TEC: variants seen among roughly 807,000 people sequenced by gnomAD.
TEC encodes the protein tyrosine-protein kinase Tec.
A neutral mutation model predicts 93.0 loss-of-function variants in TEC; 72 were observed. The ratio of observed to expected loss-of-function variants is 0.77; its 90% CI spans 0.64 to 0.94. TEC has a LOEUF of 0.94. TEC is among the 40% of genes least tolerant of loss of function. The pLI is 0.00. For missense variants in TEC, 630 were observed against 757.9 expected (o/e 0.83, Z 1.98); for synonymous variants, 249 against 247.7 (o/e 1.01, Z -0.05).
intron 8 of TEC, among the ~76,000 whole-genome samples, chr4:48,161,852 G>C (rs1248682398): frequency 6.6e-6 from 1 of 152,048 alleles, no homozygotes; most frequent in Non-Finnish European, 1.5e-5. Flanking sequence ...GGAAAGACTA[G>C]ACTGGTTTAG....
intron 2 of TEC, among the ~76,000 whole-genome samples, chr4:48,187,727 G>C (rs1310005744): frequency 1.3e-5 from 2 of 152,140 alleles, no homozygotes; most frequent in African/African-American, 4.8e-5. Flanking sequence ...TATGTGTTTT[G>C]AATTAAGTCT....
intron 2 of TEC, among the ~76,000 whole-genome samples, chr4:48,192,060 A>C (rs1416131703): frequency 1.3e-5 from 2 of 152,232 alleles, no homozygotes; most frequent in African/African-American, 2.4e-5. Flanking sequence ...CTAACACAAA[A>C]ACTTTCATAG....
At chr4:48,177,718 C>T (rs1415483530) in intron 2 of TEC, among the ~76,000 whole-genome samples, 1 of 152,186 alleles carries the variant, frequency 6.6e-6, no homozygotes, top group Non-Finnish European at 1.5e-5. Context: ...GCATTGTAAT[C>T]CCTACAATCC....
At chr4:48,250,773 C>A (rs1402318327) in intron 1 of TEC, among the ~76,000 whole-genome samples, 4 of 152,196 alleles carry the variant, frequency 2.6e-5, no homozygotes, top group African/African-American at 9.7e-5. Context: ...AGCTGCCTAC[C>A]TAACCCACAG....
chr4:48,266,371 C>T (rs1450089158), intron 1 of TEC, among the ~76,000 whole-genome samples: 2 of 152,074 alleles, frequency 1.3e-5, no homozygotes, highest in East Asian at 3.9e-4. Flanking sequence ...ACCAAAGGCA[C>T]CCAGTCTGGA....
At chr4:48,192,593 G>A (rs987460304) in intron 2 of TEC, among the ~76,000 whole-genome samples, 6 of 151,854 alleles carry the variant, frequency 4.0e-5, no homozygotes, top group African/African-American at 1.5e-4. Context: ...AAAATTCTTT[G>A]GTAATAATTT....
rs907985465 is a variant in TEC at position 48,171,358 on chromosome 4, T to C, written c.325+10A>G. On this transcript the variant is annotated intron_variant, in intron 4 of 17. Coordinates refer to ENST00000381501, the MANE Select transcript of TEC (RefSeq NM_003215.3). ...AATTATATACAGAGTAATATTTCAT[T>C]GAGTTTTACCTTCTTTTAACTTCTT... 22 of 1,606,602 alleles carry C rather than the reference T, an allele frequency of 1.4e-5. No homozygotes were observed. The highest frequency in any genetic ancestry group is 1.7e-5 in the Admixed American group (1 of 58,664).
intron 1 of TEC, among the ~76,000 whole-genome samples, chr4:48,261,450 C>T (rs903414337): frequency 4.6e-5 from 7 of 152,086 alleles, no homozygotes; most frequent in African/African-American, 1.7e-4. Context: ...TTAAATCACT[C>T]TTGTAAGAAA....
At chr4:48,190,200 A>C (rs1254032590) in intron 2 of TEC, among the ~76,000 whole-genome samples, 3 of 152,182 alleles carry the variant, frequency 2.0e-5, no homozygotes, top group Non-Finnish European at 4.4e-5. Flanking sequence ...TATTTATCAG[A>C]TTATAACTAT....
chr4:48,170,610 G>C (rs1721060671), intron 4 of TEC, among the ~76,000 whole-genome samples: 1 of 152,156 alleles, frequency 6.6e-6, no homozygotes, highest in Non-Finnish European at 1.5e-5. Context: ...ACCAATGATG[G>C]ATAAATGCAA....
intron 2 of TEC, among the ~76,000 whole-genome samples, chr4:48,202,288 C>T (rs1295520564): frequency 1.3e-5 from 2 of 152,072 alleles, no homozygotes; most frequent in African/African-American, 4.8e-5. Flanking sequence ...TTTTTAGGCC[C>T]AGTGCAGTGG....
At chr4:48,138,613 C>T in intron 17 of TEC, 52 bp downstream of exon 17, 1 of 1,547,278 alleles carries the variant, frequency 6.5e-7, no homozygotes, top group Non-Finnish European at 8.7e-7. Context: ...TATCCATCTA[C>T]CAAGCCCAAT....
intron 1 of TEC, among the ~76,000 whole-genome samples, chr4:48,258,252 CT>C (rs1185323353): frequency 6.6e-6 from 1 of 151,580 alleles, no homozygotes; most frequent in African/African-American, 2.4e-5. Flanking sequence ...AGCAATTCTC[CT>C]GCCTCAGCCT....
chr4:48,200,396 A>G (rs1222236886), intron 2 of TEC, among the ~76,000 whole-genome samples: 2 of 152,100 alleles, frequency 1.3e-5, no homozygotes. Context: ...TGGGATAATA[A>G]TTTCTTGTAG....
rs1719477083 is a variant in TEC, at chr4:48,137,512, G to A, written c.1813-13C>T. On this transcript the variant is annotated splice_polypyrimidine_tract_variant and intron_variant, in intron 17 of 17. Coordinates refer to ENST00000381501, the MANE Select transcript of TEC (RefSeq NM_003215.3). ...TTCCCTCTGGTTTCTACAATTAAAA[G>A]TCAAAGAGAAGCTGTGGGTTCCAGA... 1.2e-6 allele frequency: 2 copies of A among 1,612,594 alleles called. No homozygotes were observed. Among genetic ancestry groups the A allele is most frequent in the African/African-American group, 1.3e-5 (1 of 74,982 alleles).
intron 2 of TEC, among the ~76,000 whole-genome samples, chr4:48,186,250 C>T (rs1349601680): frequency 1.3e-5 from 2 of 152,152 alleles, no homozygotes; most frequent in East Asian, 3.9e-4. Flanking sequence ...CCCAAAGTGC[C>T]GAGATTGCAG....
rs191621486 is a variant in TEC at position 48,206,430 on chromosome 4, T to C, written c.138+22047A>G. Among the ~76,000 whole-genome samples, 835 of 152,236 alleles carry C rather than the reference T, an allele frequency of 5.5e-3. 6 individuals carry two copies. The highest frequency in any genetic ancestry group is 7.0e-3 in the Non-Finnish European group (477 of 68,006). ...ACACAGATGAGCTTCATTCAGAATATATATATTTTTTATACCTTTTAAAAA... is the reference window on the plus strand; with the variant it reads ...ACACAGATGAGCTTCATTCAGAATACATATATTTTTTATACCTTTTAAAAA... On this transcript the variant is annotated intron_variant, in intron 2 of 17. Transcript: ENST00000381501.
intron 1 of TEC, among the ~76,000 whole-genome samples, chr4:48,250,317 T>C (rs1724167775): frequency 6.6e-6 from 1 of 152,194 alleles, no homozygotes; most frequent in South Asian, 2.1e-4. Context: ...CCCCTAAATA[T>C]TTCCTGAACC....
intron 1 of TEC, among the ~76,000 whole-genome samples, chr4:48,252,724 G>A (rs1724237145): frequency 1.3e-5 from 2 of 152,170 alleles, no homozygotes; most frequent in Non-Finnish European, 2.9e-5. Flanking sequence ...TACCTTAACT[G>A]AAGGCTTCCC....
Sources: allele counts gnomAD v4.1 joint callset (sites outside exome capture counted in the v4.1 genomes callset), GRCh38; gene constraint gnomAD v4.1.1; transcripts MANE v1.5; gene names NCBI Gene and HGNC (gene_info 2026-07-23, HGNC 2026-07-21).